The following TMEM132B variants were observed in gnomAD, a reference collection of about 807,000 sequenced individuals.
TMEM132B encodes the protein transmembrane protein 132B.
In TMEM132B, 18 loss-of-function variants were observed where a neutral mutation model predicts 90.8. The observed-to-expected ratio is 0.20, with a 90% CI of 0.14 to 0.29. The LOEUF (loss-of-function observed/expected upper bound fraction) is 0.29. Among genes scored for constraint, TMEM132B ranks in the 10% least tolerant of loss-of-function variants. The probability of loss-of-function intolerance (pLI) is 1.00; values close to 1 mark genes in which losing one functional copy is unlikely to be tolerated. For missense variants in TMEM132B, 1,096 were observed against 1,326.8 expected (o/e 0.83, Z 2.70); for synonymous variants, 504 against 523.3 (o/e 0.96, Z 0.50).
chr12:125,552,863 G>T, intron 4 of TMEM132B, among the ~76,000 whole-genome samples: 1 of 152,266 alleles, frequency 6.6e-6, no homozygotes, highest in Non-Finnish European at 1.5e-5. Flanking sequence ...TCCCTGCACA[G>T]GGAGTCAGGA....
chr12:125,218,728 A>G (rs1029497963), intron 1 of TMEM132B, among the ~76,000 whole-genome samples: 1 of 142,846 alleles, frequency 7.0e-6, no homozygotes, highest in African/African-American at 2.5e-5. Flanking sequence ...AGTACTTGGG[A>G]TGGGTAGGAG....
chr12:125,444,851 A>G (rs1263642634), intron 3 of TMEM132B, among the ~76,000 whole-genome samples: 1 of 152,110 alleles, frequency 6.6e-6, no homozygotes, highest in African/African-American at 2.4e-5. Flanking sequence ...TTAAGAGCAG[A>G]ACTGACCTTC....
chr12:125,227,518 G>A (rs540953604), intron 1 of TMEM132B, among the ~76,000 whole-genome samples: 2 of 152,200 alleles, frequency 1.3e-5, no homozygotes, highest in South Asian at 4.2e-4. Flanking sequence ...ATACTGGGTA[G>A]GGTTGGAAAT....
chr12:125,319,943 G>T (rs1876382433), intron 1 of TMEM132B, among the ~76,000 whole-genome samples: 1 of 152,228 alleles, frequency 6.6e-6, no homozygotes, highest in Admixed American at 6.5e-5. Context: ...TTGCACCTGG[G>T]AGGTTGAGGG....
chr12:125,272,563 T>C (rs1264250643), intron 1 of TMEM132B, among the ~76,000 whole-genome samples: 1 of 151,968 alleles, frequency 6.6e-6, no homozygotes, highest in Non-Finnish European at 1.5e-5. Context: ...TCCTGAGAGC[T>C]CTTGGATTAA....
Position 125,209,933 on chromosome 12 carries a change from C to T in TMEM132B, c.67+23067C>T, listed in dbSNP as rs561680506. On this transcript the variant is annotated intron_variant, in intron 1 of 8. Coordinates refer to ENST00000682704, the MANE Select transcript of TMEM132B (RefSeq NM_001366854.1). The surrounding 1 kb of genome is among the most constrained non-coding windows in gnomAD (Gnocchi z 4.4). ...TGAGTCTCGTAGGTGCCTGCTCATTCGCTTGGTCATTCATTCATTCATTCA... is the reference window on the plus strand; with the variant it reads ...TGAGTCTCGTAGGTGCCTGCTCATTTGCTTGGTCATTCATTCATTCATTCA... 1.2e-4 allele frequency among the ~76,000 whole-genome samples: 18 copies of T among 152,252 alleles called. No homozygotes were observed. Among genetic ancestry groups the T allele is most frequent in the Admixed American group, 5.9e-4 (9 of 15,296 alleles).
intron 2 of TMEM132B, among the ~76,000 whole-genome samples, chr12:125,384,810 C>T (rs1418628242): frequency 6.6e-6 from 1 of 152,182 alleles, no homozygotes; most frequent in Non-Finnish European, 1.5e-5. Context: ...GCTACCATGT[C>T]CGGCTAATTT....
Position 125,275,869 on chromosome 12 carries a change from A to G in TMEM132B, c.68-73583A>G, listed in dbSNP as rs1367120164. ...GCTGGCACTACAGGTACATGCCACC[A>G]TGCCTGGCTAATTTTTTAAGTTTTT... is the stretch of plus-strand genomic sequence containing the variant. On this transcript the variant is annotated intron_variant, in intron 1 of 8. Transcript: ENST00000682704. 2.6e-5 allele frequency among the ~76,000 whole-genome samples: 4 copies of G among 152,170 alleles called. 1 individual carries two copies. In the East Asian group the frequency reaches 7.7e-4, roughly 29 times the overall value.
chr12:125,270,383 C>G (rs1182843202), intron 1 of TMEM132B, among the ~76,000 whole-genome samples: 1 of 152,132 alleles, frequency 6.6e-6, no homozygotes, highest in Non-Finnish European at 1.5e-5. Flanking sequence ...CATGTAGTAC[C>G]CCACAATATC....
At chr12:125,562,121 G>A (rs183692269) in intron 4 of TMEM132B, among the ~76,000 whole-genome samples, 1 of 152,198 alleles carries the variant, frequency 6.6e-6, no homozygotes, top group African/African-American at 2.4e-5. Context: ...ACCACTCACT[G>A]CTTCACCTTG....
At chr12:125,351,014 G>T (rs1240448072) in intron 2 of TMEM132B, among the ~76,000 whole-genome samples, 1 of 152,130 alleles carries the variant, frequency 6.6e-6, no homozygotes, top group Non-Finnish European at 1.5e-5. Flanking sequence ...TTTTTAGTGC[G>T]GGGGTTTGGA....
At chr12:125,386,652 CAT>C (rs1878844487) in intron 2 of TMEM132B, among the ~76,000 whole-genome samples, 2 of 152,176 alleles carry the variant, frequency 1.3e-5, no homozygotes, top group Admixed American at 1.3e-4. Flanking sequence ...GTAAGACAGG[CAT>C]ATCCAAAGAG....
At chr12:125,637,338 C>A (rs1886510110) in intron 5 of TMEM132B, among the ~76,000 whole-genome samples, 1 of 152,186 alleles carries the variant, frequency 6.6e-6, no homozygotes. Context: ...GAACTTATTT[C>A]TTTAGCTTTG....
intron 6 of TMEM132B, among the ~76,000 whole-genome samples, chr12:125,645,322 C>T (rs1472757382): frequency 6.6e-6 from 1 of 150,832 alleles, no homozygotes; most frequent in African/African-American, 2.4e-5. Context: ...ACAGATGTAA[C>T]TACAATCCCA....
intron 1 of TMEM132B, among the ~76,000 whole-genome samples, chr12:125,218,664 C>T (rs1170841033): frequency 6.6e-6 from 1 of 151,916 alleles, no homozygotes. Context: ...ATTGGGCCAC[C>T]CAGGATCCCA....
intron 1 of TMEM132B, among the ~76,000 whole-genome samples, chr12:125,316,523 A>G (rs919187558): frequency 1.3e-5 from 1 of 74,768 alleles, no homozygotes; most frequent in Non-Finnish European, 2.5e-5. Flanking sequence ...AGCTGCAGAA[A>G]GAGTACAGAG....
At chr12:125,402,787 G>A (rs569277465) in intron 2 of TMEM132B, among the ~76,000 whole-genome samples, 14 of 152,208 alleles carry the variant, frequency 9.2e-5, no homozygotes, top group Middle Eastern at 3.4e-3. Context: ...TTATCCTTCC[G>A]TATGTAATCC....
chr12:125,417,909 G>A (rs1167676296), intron 3 of TMEM132B, among the ~76,000 whole-genome samples: 3 of 152,208 alleles, frequency 2.0e-5, no homozygotes, highest in Admixed American at 2.0e-4. Flanking sequence ...CCTGAACCAG[G>A]GGTTTTGACC....
intron 4 of TMEM132B, among the ~76,000 whole-genome samples, chr12:125,527,377 C>G (rs1003319625): frequency 2.8e-5 from 4 of 144,300 alleles, no homozygotes; most frequent in Admixed American, 2.0e-4. Flanking sequence ...ACCCTCCACT[C>G]TTCCATCCAC....
Sources: gnomAD v4.1 joint callset for allele counts (sites outside exome capture counted in the v4.1 genomes callset) on GRCh38, gnomAD v4.1.1 for gene constraint, Gnocchi (gnomAD v3.1) non-coding constraint, MANE v1.5 for transcripts, NCBI Gene and HGNC (gene_info 2026-07-23, HGNC 2026-07-21) for gene names.